ALG12: variants seen among roughly 807,000 people sequenced by gnomAD.
ALG12 encodes ALG12 alpha-1,6-mannosyltransferase, also known as dol-P-Man:Man(7)GlcNAc(2)-PP-Dol alpha-1,6-mannosyltransferase.
In ALG12, 36 loss-of-function variants were observed where a neutral mutation model predicts 46.0. The ratio of observed to expected loss-of-function variants is 0.78; its 90% CI spans 0.60 to 1.03. The LOEUF (loss-of-function observed/expected upper bound fraction) is 1.03, where lower values mean the gene tolerates loss of function less well. Among genes scored for constraint, ALG12 ranks in the 50% least tolerant of loss-of-function variants. ALG12 has a pLI of 0.00. For missense variants in ALG12, 599 were observed against 633.5 expected, an observed-to-expected ratio of 0.95 and a Z score of 0.58; for synonymous variants, 326 against 291.6, an observed-to-expected ratio of 1.12 and a Z score of -1.20.
chr22:49,881,112 G>A, the ALG12 span, among the ~76,000 whole-genome samples: 1 of 152,236 alleles, frequency 6.6e-6, no homozygotes, highest in African/African-American at 2.4e-5. Flanking sequence ...TCGGGAGGCT[G>A]AGGCAGGTGG....
At position 49,905,138 on chromosome 22, in the gene ALG12, C is replaced by T. The variant is rs1168818103; in HGVS notation, c.993-632G>A. Among the ~76,000 whole-genome samples the T allele has an allele frequency of 6.6e-6, 1 of 152,204 alleles. No homozygotes were observed. Among genetic ancestry groups the T allele is most frequent in the Non-Finnish European group, 1.5e-5 (1 of 68,038 alleles). ...GCAGGTCTGAGTGAACTCTCTGGGACAGGGTGCCGCCGGTTCTCTCACAAT... is the reference window on the plus strand; with the variant it reads ...GCAGGTCTGAGTGAACTCTCTGGGATAGGGTGCCGCCGGTTCTCTCACAAT... On this transcript the variant is annotated intron_variant, in intron 7 of 9. Transcript: ENST00000330817. The surrounding 1 kb of genome is among the most constrained non-coding windows in gnomAD (Gnocchi z 4.9).
the ALG12 span, chr22:49,887,140 T>C: frequency 6.2e-7 from 1 of 1,613,388 alleles, no homozygotes; most frequent in Non-Finnish European, 8.5e-7. Context: ...ACTTATCTTT[T>C]TGAAAGTGAA....
the ALG12 span, chr22:49,890,046 A>G: frequency 6.0e-6 from 1 of 166,792 alleles, no homozygotes; most frequent in South Asian, 2.1e-4. Context: ...GTAAAAGATG[A>G]TAAAAAAATA....
chr22:49,904,140 C>T, intron 9 of ALG12, 39 bp downstream of exon 9: 1 of 1,614,210 alleles, frequency 6.2e-7, no homozygotes, highest in Non-Finnish European at 8.5e-7. Flanking sequence ...GGGGCCCTCA[C>T]ATGGCCTCTG....
the ALG12 span, among the ~76,000 whole-genome samples, chr22:49,879,380 T>G: frequency 0.92 from 139,987 of 151,816 alleles, 64,641 homozygotes; most frequent in African/African-American, 0.98. Context: ...GTCTGCCTCA[T>G]CCTCCCGAAG....
intron 7 of ALG12, 45 bp downstream of exon 7, chr22:49,907,676 T>C: frequency 6.3e-7 from 1 of 1,585,286 alleles, no homozygotes; most frequent in South Asian, 1.1e-5. Flanking sequence ...GTGAACCTGT[T>C]TCCAATGAAA....
chr22:49,911,624 A>G (rs2060577022), intron 3 of ALG12, among the ~76,000 whole-genome samples: 1 of 152,058 alleles, frequency 6.6e-6, no homozygotes, highest in African/African-American at 2.4e-5. Context: ...TAGTAGAGAC[A>G]AGGTTTCCCA....
In ALG12 at chr22:49,903,626, C is replaced by T. The variant is rs1214740631; in HGVS notation, c.*212G>A. 2 of 714,338 alleles carry T rather than the reference C, an allele frequency of 2.8e-6. No homozygotes were observed. The highest frequency in any genetic ancestry group is 3.0e-5 in the South Asian group (2 of 67,028). The allele number at this position is 714,338 out of a possible 1,614,324, so 44.2% of individuals were successfully genotyped here. A position where few individuals can be genotyped will look rare whatever the true frequency, so the allele number is the denominator to read the frequency against. Reference sequence around the variant, plus strand: ...TGGGCAGTGGCTCCCGGGGTGCCAACAAGACCTGGGCCCCTCGTTCTTTGG... The same window carrying T: ...TGGGCAGTGGCTCCCGGGGTGCCAATAAGACCTGGGCCCCTCGTTCTTTGG... On this transcript the variant is annotated 3_prime_UTR_variant, in exon 10 of 10. Transcript: ENST00000330817.
At chr22:49,887,185 C>A in the ALG12 span, 1 of 1,598,662 alleles carries the variant, frequency 6.3e-7, no homozygotes, top group Non-Finnish European at 8.5e-7. Flanking sequence ...TTGAAACTCA[C>A]GACGGCACCA....
chr22:49,893,816 TG>T, the ALG12 span, among the ~76,000 whole-genome samples: 1 of 151,878 alleles, frequency 6.6e-6, no homozygotes, highest in African/African-American at 2.4e-5. Flanking sequence ...GGACAAAAGG[TG>T]GGAGGGAAAT....
At position 49,903,892 on chromosome 22, in the gene ALG12, G is replaced by A. The variant is rs767232423; in HGVS notation, c.1413C>T (p.Asn471=). The change falls in exon 10 of 10, where the codon AAC becomes AAT. Residue 471 remains asparagine, a synonymous_variant. Transcript: ENST00000330817. The part of the protein sequence containing the change: ...SLNLTQLPPF[N]VHLQTKLVLL... Reference sequence around the variant, plus strand: ...GCACCAGCTTTGTCTGCAGGTGGACGTTGAAGGGGGGCAGTTGGGTCAGGT... The same window carrying A: ...GCACCAGCTTTGTCTGCAGGTGGACATTGAAGGGGGGCAGTTGGGTCAGGT... 82 of 1,614,136 alleles carry A rather than the reference G, an allele frequency of 5.1e-5. No individual in the cohort carries two copies. Among genetic ancestry groups the A allele is most frequent in the Non-Finnish European group, 6.3e-5 (74 of 1,180,044 alleles).
the ALG12 span, among the ~76,000 whole-genome samples, chr22:49,874,142 C>T: frequency 1.3e-5 from 2 of 152,184 alleles, no homozygotes; most frequent in African/African-American, 4.8e-5. Context: ...CGCCTCCTGC[C>T]TGGGCAGACT....
At chr22:49,897,074 T>C (rs1214113978), downstream of ALG12, among the ~76,000 whole-genome samples, 2 of 152,122 alleles carry the variant, frequency 1.3e-5, no homozygotes, top group Admixed American at 6.5e-5. Context: ...TTCTAAAATA[T>C]CAAATAGTTG....
At chr22:49,886,950 C>T in the ALG12 span, 1 of 1,614,102 alleles carries the variant, frequency 6.2e-7, no homozygotes, top group Non-Finnish European at 8.5e-7. This position sits in a 1 kb window ranked among gnomAD's most constrained non-coding sequence, Gnocchi z 7.7. Context: ...TGCTTGAACA[C>T]AGCTGTGACC....
At chr22:49,911,970 C>A (rs762382951) in intron 3 of ALG12, among the ~76,000 whole-genome samples, 19 of 114,374 alleles carry the variant, frequency 1.7e-4, no homozygotes, top group Admixed American at 7.9e-4. Flanking sequence ...CTCGGCCTCA[C>A]GATCAGCCTC....
At chr22:49,864,970 G>A in the ALG12 span, among the ~76,000 whole-genome samples, 20 of 96,862 alleles carry the variant, frequency 2.1e-4, no homozygotes, top group South Asian at 1.2e-3. Context: ...CAGAAACCAC[G>A]GAGTCCAGCT....
rs536472536 is a variant in ALG12, at chr22:49,906,918, C to A, written c.992+803G>T. ...TCCTGGCTCCCTGAGGCTTGCAACA[C>A]TGAGTGGCAGCCGCGCTCAGACCAC... is the stretch of plus-strand genomic sequence containing the variant. On this transcript the variant is annotated intron_variant, in intron 7 of 9. Coordinates refer to ENST00000330817, the MANE Select transcript of ALG12 (RefSeq NM_024105.4). This position sits in a 1 kb window ranked among gnomAD's most constrained non-coding sequence, Gnocchi z 4.4. Among the ~76,000 whole-genome samples the A allele has an allele frequency of 6.6e-6, 1 of 152,240 alleles. No homozygotes were observed. The highest frequency in any genetic ancestry group is 2.1e-4 in the South Asian group (1 of 4,826).
intron 3 of ALG12, among the ~76,000 whole-genome samples, 161 bp downstream of exon 3, chr22:49,913,224 C>A (rs2060589613): frequency 6.6e-6 from 1 of 152,180 alleles, no homozygotes; most frequent in African/African-American, 2.4e-5. Flanking sequence ...ACGTCTTAGG[C>A]CTGACCTGAG....
chr22:49,881,340 TC>T, the ALG12 span, among the ~76,000 whole-genome samples: 1 of 152,252 alleles, frequency 6.6e-6, no homozygotes, highest in Non-Finnish European at 1.5e-5. Flanking sequence ...GACAGAGTGA[TC>T]CGTCTCAAAA....
Sources: allele counts gnomAD v4.1 joint callset (sites outside exome capture counted in the v4.1 genomes callset), GRCh38; gene constraint gnomAD v4.1.1; non-coding constraint Gnocchi (gnomAD v3.1); transcripts MANE v1.5; gene names NCBI Gene and HGNC (gene_info 2026-07-23, HGNC 2026-07-21).